RBFOX3: variants seen among roughly 807,000 people sequenced by gnomAD.
The protein encoded by RBFOX3 is RNA binding fox-1 homolog 3.
RBFOX3 carries 17 observed loss-of-function variants against 48.7 expected under a neutral mutation model. The ratio of observed to expected loss-of-function variants is 0.35; its 90% CI spans 0.24 to 0.52. The LOEUF is 0.52. RBFOX3 is among the 20% of genes least tolerant of loss of function. RBFOX3 has a pLI of 0.94. For missense variants in RBFOX3, 382 were observed against 497.5 expected, an observed-to-expected ratio of 0.77 and a Z score of 2.21; for synonymous variants, 212 against 209.5, an observed-to-expected ratio of 1.01 and a Z score of -0.10.
At chr17:79,610,115 G>A (rs1173492602) in intron 1 of RBFOX3, among the ~76,000 whole-genome samples, 1 of 151,844 alleles carries the variant, frequency 6.6e-6, no homozygotes, top group Admixed American at 6.5e-5. Context: ...CCTGCGCGCC[G>A]CTCGCCCCTC....
chr17:79,472,444 A>G (rs1253865141), intron 2 of RBFOX3, among the ~76,000 whole-genome samples: 1 of 152,200 alleles, frequency 6.6e-6, no homozygotes, highest in African/African-American at 2.4e-5. Context: ...TTACCAGGCC[A>G]TATGGGTGGG....
intron 2 of RBFOX3, among the ~76,000 whole-genome samples, chr17:79,360,747 C>T (rs2086174634): frequency 6.6e-6 from 1 of 151,996 alleles, no homozygotes; most frequent in African/African-American, 2.4e-5. Context: ...ATATCACAGC[C>T]CCACTCACAA....
chr17:79,191,285 C>T (rs1352338771), intron 4 of RBFOX3, among the ~76,000 whole-genome samples: 2 of 152,308 alleles, frequency 1.3e-5, no homozygotes, highest in African/African-American at 2.4e-5. Flanking sequence ...GGGGGTACCC[C>T]GCACCCCAGG....
chr17:79,286,358 C>T (rs955670787), intron 3 of RBFOX3, among the ~76,000 whole-genome samples: 6 of 152,194 alleles, frequency 3.9e-5, no homozygotes, highest in Non-Finnish European at 7.3e-5. Flanking sequence ...CTGCCATCTG[C>T]AGTTCTGCCC....
At position 79,572,558 on chromosome 17, in the gene RBFOX3, G is replaced by C. The variant is rs1024327475; in HGVS notation, c.-320+38268C>G. Among the ~76,000 whole-genome samples, 5 of 152,246 alleles carry C rather than the reference G, an allele frequency of 3.3e-5. No homozygotes were observed. In the East Asian group the frequency reaches 5.8e-4, roughly 18 times the overall value. On this transcript the variant is annotated intron_variant, in intron 1 of 14. Transcript: ENST00000693108. Reference sequence around the variant, plus strand: ...AGGCCTTCAGCCCTCTCAACAGGGTGGGGGGAGGGAGGGGGAAGGGGAGCC... The same window carrying C: ...AGGCCTTCAGCCCTCTCAACAGGGTCGGGGGAGGGAGGGGGAAGGGGAGCC...
chr17:79,314,091 G>A (rs559405759), intron 2 of RBFOX3, among the ~76,000 whole-genome samples: 1 of 152,292 alleles, frequency 6.6e-6, no homozygotes, highest in South Asian at 2.1e-4. Context: ...TTCATGGAGG[G>A]GGCTACAGAC....
intron 4 of RBFOX3, among the ~76,000 whole-genome samples, chr17:79,225,104 T>C (rs1034138060): frequency 1.3e-5 from 2 of 152,120 alleles, no homozygotes; most frequent in African/African-American, 4.8e-5. Flanking sequence ...ATGCAAAACA[T>C]GCCCCTGCCT....
intron 4 of RBFOX3, among the ~76,000 whole-genome samples, chr17:79,193,475 A>G (rs1367024992): frequency 1.3e-5 from 2 of 152,094 alleles, no homozygotes; most frequent in African/African-American, 4.8e-5. Context: ...CTGTTTTATT[A>G]GGATTTTCTC....
At chr17:79,134,022 A>G (rs2039590646) in intron 4 of RBFOX3, among the ~76,000 whole-genome samples, 1 of 152,220 alleles carries the variant, frequency 6.6e-6, no homozygotes, top group Non-Finnish European at 1.5e-5. Flanking sequence ...CAAATGGAAC[A>G]GGATATTAAG....
intron 3 of RBFOX3, among the ~76,000 whole-genome samples, chr17:79,263,293 T>C (rs1038967790): frequency 5.3e-5 from 8 of 152,220 alleles, no homozygotes; most frequent in Admixed American, 2.0e-4. Flanking sequence ...CGGCCCAGCA[T>C]TGGGAAGGTG....
chr17:79,247,434 T>C (rs1013643991), intron 3 of RBFOX3, among the ~76,000 whole-genome samples: 4 of 149,776 alleles, frequency 2.7e-5, no homozygotes, highest in Non-Finnish European at 5.9e-5. Context: ...TGTCTCAGCC[T>C]CCCGAGTAGC....
chr17:79,416,730 C>T (rs937153571), intron 2 of RBFOX3, among the ~76,000 whole-genome samples: 21 of 152,218 alleles, frequency 1.4e-4, no homozygotes, highest in African/African-American at 4.8e-4. Flanking sequence ...TTGGATCTAT[C>T]TGCCTCGATT....
chr17:79,656,702 AAGGAAGG>A, the RBFOX3 span, among the ~76,000 whole-genome samples: 10 of 6,670 alleles, frequency 1.5e-3, no homozygotes, highest in South Asian at 7.5e-3. Flanking sequence ...GGAAGGAAGG[AAGGAAGG>A]AGAGAGAGAG....
At chr17:79,230,799 C>A (rs1310729692) in intron 4 of RBFOX3, among the ~76,000 whole-genome samples, 1 of 152,058 alleles carries the variant, frequency 6.6e-6, no homozygotes, top group Non-Finnish European at 1.5e-5. Context: ...GGACTGGGGA[C>A]AAGGGCCAGG....
At chr17:79,146,078 G>C (rs1475235837) in intron 4 of RBFOX3, among the ~76,000 whole-genome samples, 2 of 152,200 alleles carry the variant, frequency 1.3e-5, no homozygotes, top group African/African-American at 2.4e-5. Flanking sequence ...CTGCTGATCT[G>C]ACAGGAGGTG....
intron 1 of RBFOX3, among the ~76,000 whole-genome samples, chr17:79,515,555 C>A (rs986476556): frequency 6.6e-6 from 1 of 152,252 alleles, no homozygotes; most frequent in Non-Finnish European, 1.5e-5. Context: ...GCTGGCAGCA[C>A]AGTTCCTTCT....
chr17:79,232,553 A>C (rs185071028), intron 4 of RBFOX3, among the ~76,000 whole-genome samples: 1 of 152,246 alleles, frequency 6.6e-6, no homozygotes, highest in Non-Finnish European at 1.5e-5. Context: ...CTTTTTAATA[A>C]GTAATAATGA....
intron 4 of RBFOX3, among the ~76,000 whole-genome samples, chr17:79,164,809 G>A (rs141801927): frequency 0.019 from 2,859 of 152,256 alleles, 31 homozygotes; most frequent in Non-Finnish European, 0.03. Context: ...GGGCTGGGAG[G>A]GCCAGGGGGA....
intron 2 of RBFOX3, among the ~76,000 whole-genome samples, chr17:79,439,399 A>C (rs577609034): frequency 6.6e-6 from 1 of 152,220 alleles, no homozygotes; most frequent in Non-Finnish European, 1.5e-5. Context: ...CTGTGATTTC[A>C]TCTCTCCTCG....
Sources: allele counts gnomAD v4.1 joint callset (sites outside exome capture counted in the v4.1 genomes callset), GRCh38; gene constraint gnomAD v4.1.1; transcripts MANE v1.5; gene names NCBI Gene and HGNC (gene_info 2026-07-23, HGNC 2026-07-21).